The following ARIH1 variants were observed in gnomAD, a reference collection of about 807,000 sequenced individuals.
ARIH1 encodes ariadne RBR E3 ubiquitin protein ligase 1, also known as E3 ubiquitin-protein ligase ARIH1.
Under a neutral mutation model 85.0 loss-of-function variants are expected in ARIH1, and 8 were observed. The ratio of observed to expected loss-of-function variants is 0.09; its 90% CI spans 0.06 to 0.17. The LOEUF is 0.17. Among genes scored for constraint, ARIH1 ranks in the 10% least tolerant of loss-of-function variants. ARIH1 has a pLI of 1.00. For synonymous variants in ARIH1, 238 were observed against 253.6 expected, an observed-to-expected ratio of 0.94 and a Z score of 0.59; for missense variants, 311 against 718.1, an observed-to-expected ratio of 0.43 and a Z score of 6.48.
chr15:72,526,719 TAAA>T (rs952831921), intron 2 of ARIH1, among the ~76,000 whole-genome samples: 7 of 152,096 alleles, frequency 4.6e-5, no homozygotes, highest in Non-Finnish European at 1.0e-4. Flanking sequence ...CCCTGACTCT[TAAA>T]AAATTAAATA....
rs1445559579 is a variant in ARIH1, at chr15:72,591,543, T to C, written c.*8251T>C. The C allele has an allele frequency of 1.3e-5, 2 of 152,188 alleles. No individual in the cohort carries two copies. Among genetic ancestry groups the C allele is most frequent in the African/African-American group, 4.8e-5 (2 of 41,450 alleles). 9.4% of individuals were successfully genotyped at this position (152,188 alleles called of 1,614,324 possible). A position where few individuals can be genotyped will look rare whatever the true frequency, so the allele number is the denominator to read the frequency against. ...AGCAGGATTTTGTCCTAAGTTTTCT[T>C]AGGGATCCTATCCAAAAACACCATT... On this transcript the variant is annotated 3_prime_UTR_variant, in exon 14 of 14. Transcript: ENST00000379887.
At chr15:72,516,159 T>C (rs1196108462) in intron 1 of ARIH1, among the ~76,000 whole-genome samples, 1 of 152,188 alleles carries the variant, frequency 6.6e-6, no homozygotes, top group African/African-American at 2.4e-5. Flanking sequence ...CCCTCTGTTT[T>C]TTCCCTTTTT....
rs184508623 is a variant in ARIH1 at position 72,552,439 on chromosome 15, T to A, written c.589-2832T>A. On this transcript the variant is annotated intron_variant, in intron 3 of 13. Coordinates refer to ENST00000379887, the MANE Select transcript of ARIH1 (RefSeq NM_005744.5). Reference sequence around the variant, plus strand: ...AGTAGCTGGGATTACAGGCATACACTACCACACCTGGCTAGTTTTTTTGTA... The same window carrying A: ...AGTAGCTGGGATTACAGGCATACACAACCACACCTGGCTAGTTTTTTTGTA... 3.3e-5 allele frequency among the ~76,000 whole-genome samples: 5 copies of A among 152,134 alleles called. No individual in the cohort carries two copies. In the East Asian group the frequency reaches 9.7e-4, roughly 30 times the overall value.
At chr15:72,565,411 G>T (rs2064215028) in intron 7 of ARIH1, among the ~76,000 whole-genome samples, 1 of 151,898 alleles carries the variant, frequency 6.6e-6, no homozygotes. Context: ...TTTTGCTGCG[G>T]GGTGGTTTGG....
chr15:72,583,163 T>A (rs1440335419), intron 13 of ARIH1, 45 bp from the exon 14 acceptor site: 2 of 1,451,122 alleles, frequency 1.4e-6, no homozygotes, highest in Non-Finnish European at 1.9e-6. Context: ...TTTTTTATTA[T>A]TAGAGGCTGA....
At chr15:72,522,370 C>G (rs2064004042) in intron 2 of ARIH1, among the ~76,000 whole-genome samples, 1 of 152,098 alleles carries the variant, frequency 6.6e-6, no homozygotes. Flanking sequence ...AAAAGTTAGC[C>G]AGGCGTGGTG....
chr15:72,510,057 C>T (rs769199244), intron 1 of ARIH1, among the ~76,000 whole-genome samples: 61 of 152,198 alleles, frequency 4.0e-4, no homozygotes, highest in Non-Finnish European at 7.4e-4. Context: ...CCTGGGACTA[C>T]AGGGATCTCC....
At chr15:72,583,097 T>C in intron 13 of ARIH1, 111 bp from the exon 14 acceptor site, 2 of 752,394 alleles carry the variant, frequency 2.7e-6, no homozygotes, top group Middle Eastern at 5.5e-4. Flanking sequence ...AAATAGGTGC[T>C]TGGTTCCGAG....
At chr15:72,488,005 C>T (rs928579589) in intron 1 of ARIH1, among the ~76,000 whole-genome samples, 2 of 151,804 alleles carry the variant, frequency 1.3e-5, no homozygotes, top group African/African-American at 4.8e-5. Context: ...CATACTTGTC[C>T]CTCTTCTTTT....
intron 2 of ARIH1, among the ~76,000 whole-genome samples, chr15:72,541,854 G>A (rs1057048022): frequency 7.9e-5 from 12 of 152,198 alleles, no homozygotes; most frequent in African/African-American, 2.4e-4. Context: ...TTCTAGCAGA[G>A]CAAACATAAA....
intron 1 of ARIH1, among the ~76,000 whole-genome samples, chr15:72,489,211 G>T: frequency 7.8e-6 from 1 of 128,340 alleles, no homozygotes; most frequent in African/African-American, 2.9e-5. Flanking sequence ...TTGTGCTACT[G>T]CACTCCAGCC....
Position 72,489,931 on chromosome 15 carries a change from A to G in ARIH1, c.375+14917A>G, listed in dbSNP as rs963721476. On this transcript the variant is annotated intron_variant, in intron 1 of 13. Coordinates refer to ENST00000379887, the MANE Select transcript of ARIH1 (RefSeq NM_005744.5). The stretch of plus-strand genomic sequence containing the variant: ...AGGGAAATATTGATCTTTGTGGATA[A>G]GTAGAGTCTTGTTAAAAGCTATTAG... Among the ~76,000 whole-genome samples, 16 of 152,326 alleles carry G rather than the reference A, an allele frequency of 1.1e-4. 1 individual carries two copies. Among genetic ancestry groups the G allele is most frequent in the Admixed American group, 4.6e-4 (7 of 15,302 alleles).
rs1360394856 is a variant in ARIH1, at chr15:72,588,078, C to G, written c.*4786C>G. On this transcript the variant is annotated 3_prime_UTR_variant, in exon 14 of 14. Coordinates refer to ENST00000379887, the MANE Select transcript of ARIH1 (RefSeq NM_005744.5). ...GCAGCTCTATCAATACCACAACAAC[C>G]TTATTACCATAGTAATTCAGGGGTC... 1 of 152,144 alleles carries G rather than the reference C, an allele frequency of 6.6e-6. No homozygotes were observed. The highest frequency in any genetic ancestry group is 1.9e-4 in the East Asian group (1 of 5,188). 9.4% of individuals were successfully genotyped at this position (152,144 alleles called of 1,614,324 possible).
rs1158115893 is a variant in ARIH1 at position 72,600,868 on chromosome 15, C to T, written c.*17576C>T. ...AGATTTTGAAACATTATAGCAATGG[C>T]TTCTAGTTATTGAATAAAGAATGTC... On this transcript the variant is annotated 3_prime_UTR_variant, in exon 14 of 14. Coordinates refer to ENST00000379887, the MANE Select transcript of ARIH1 (RefSeq NM_005744.5). 1 of 152,182 alleles carries T rather than the reference C, an allele frequency of 6.6e-6. No individual in the cohort carries two copies. Among genetic ancestry groups the T allele is most frequent in the African/African-American group, 2.4e-5 (1 of 41,436 alleles). The allele number at this position is 152,182 out of a possible 1,614,324, so 9.4% of individuals were successfully genotyped here. A position where few individuals can be genotyped will look rare whatever the true frequency, so the allele number is the denominator to read the frequency against.
In ARIH1 at chr15:72,546,371, A is replaced by T. The variant is rs796431529; in HGVS notation, c.588+1407A>T. Among the ~76,000 whole-genome samples, 11 of 152,320 alleles carry T rather than the reference A, an allele frequency of 7.2e-5. No individual in the cohort carries two copies. In the East Asian group the frequency reaches 1.9e-3, roughly 27 times the overall value. The stretch of plus-strand genomic sequence containing the variant: ...TCTTAGAGAAATAGAATGATCAGTG[A>T]GTTATTTAGTAGGTAAAGTGGTGAA... On this transcript the variant is annotated intron_variant, in intron 3 of 13. Coordinates refer to ENST00000379887, the MANE Select transcript of ARIH1 (RefSeq NM_005744.5).
Position 72,586,992 on chromosome 15 carries a change from A to G in ARIH1, c.*3700A>G. On this transcript the variant is annotated 3_prime_UTR_variant, in exon 14 of 14. Coordinates refer to ENST00000379887, the MANE Select transcript of ARIH1 (RefSeq NM_005744.5). ...TTTCTTAAAGAAGGTCCCAAAGTTG[A>G]AGATCGTTTGTCATTGATACTCTGG... The G allele has an allele frequency of 2.9e-6, 1 of 343,872 alleles. No individual in the cohort carries two copies. Among genetic ancestry groups the G allele is most frequent in the Non-Finnish European group, 5.6e-6 (1 of 179,238 alleles). 21.3% of individuals were successfully genotyped at this position (343,872 alleles called of 1,614,324 possible).
At chr15:72,504,100 G>A (rs891042378) in intron 1 of ARIH1, among the ~76,000 whole-genome samples, 1 of 152,190 alleles carries the variant, frequency 6.6e-6, no homozygotes, top group Non-Finnish European at 1.5e-5. Context: ...TGTCGCCCAG[G>A]CTGGAGTGCA....
chr15:72,492,814 A>G (rs953093737), intron 1 of ARIH1, among the ~76,000 whole-genome samples: 7 of 152,200 alleles, frequency 4.6e-5, no homozygotes, highest in African/African-American at 1.7e-4. Context: ...AAAGTGGTGA[A>G]AATAGGACTT....
chr15:72,584,603 G>A lies in ARIH1; in HGVS notation c.*1311G>A, dbSNP rs1328045809. On this transcript the variant is annotated 3_prime_UTR_variant, in exon 14 of 14. Coordinates refer to ENST00000379887, the MANE Select transcript of ARIH1 (RefSeq NM_005744.5). The stretch of plus-strand genomic sequence containing the variant: ...GATACCGAAATTGCTTGTGTGTGTT[G>A]CTGTGGGTTTGGTTTGAAGGCAAAC... 1.3e-5 allele frequency: 2 copies of A among 152,150 alleles called. No individual in the cohort carries two copies. The highest frequency in any genetic ancestry group is 3.9e-4 in the East Asian group (2 of 5,186). The allele number at this position is 152,150 out of a possible 1,614,324, so 9.4% of individuals were successfully genotyped here. A position where few individuals can be genotyped will look rare whatever the true frequency, so the allele number is the denominator to read the frequency against.
Sources: gnomAD v4.1 joint callset for allele counts (sites outside exome capture counted in the v4.1 genomes callset) on GRCh38, gnomAD v4.1.1 for gene constraint, MANE v1.5 for transcripts, NCBI Gene and HGNC (gene_info 2026-07-23, HGNC 2026-07-21) for gene names.